Variants in EYA4 observed in about 807,000 individuals in gnomAD.
The protein encoded by EYA4 is EYA transcriptional coactivator and phosphatase 4, also known as protein phosphatase EYA4.
Under a neutral mutation model 87.9 loss-of-function variants are expected in EYA4, and 31 were observed. The observed-to-expected ratio is 0.35, with a 90% CI of 0.27 to 0.48. The LOEUF (loss-of-function observed/expected upper bound fraction) is 0.48, where lower values mean the gene tolerates loss of function less well. EYA4 is among the 20% of genes least tolerant of loss of function. EYA4 has a pLI of 0.99. For missense variants in EYA4, 678 were observed against 761.4 expected (o/e 0.89, Z 1.29); for synonymous variants, 263 against 270.6 (o/e 0.97, Z 0.28).
chr6:133,262,905 C>T (rs907981776), intron 1 of EYA4, among the ~76,000 whole-genome samples: 2 of 152,172 alleles, frequency 1.3e-5, no homozygotes, highest in Admixed American at 6.5e-5. Context: ...TTCTTGGACA[C>T]CTCAGCTGTT....
chr6:133,283,980 C>T (rs1777832748), intron 2 of EYA4, among the ~76,000 whole-genome samples: 3 of 152,092 alleles, frequency 2.0e-5, no homozygotes. Flanking sequence ...AAGATAATGG[C>T]CTTCAGTTCC....
intron 2 of EYA4, among the ~76,000 whole-genome samples, chr6:133,307,042 A>G (rs959262839): frequency 1.3e-5 from 2 of 152,236 alleles, no homozygotes; most frequent in Admixed American, 6.6e-5. Context: ...GTCATGTACT[A>G]TATAAACCCA....
rs560310584 is a variant in EYA4 at position 133,355,885 on chromosome 6, G to A, written c.34-26507G>A. 2.7e-4 allele frequency among the ~76,000 whole-genome samples: 41 copies of A among 152,154 alleles called. No individual in the cohort carries two copies. In the South Asian group the frequency reaches 5.6e-3, roughly 21 times the overall value. On this transcript the variant is annotated intron_variant, in intron 2 of 19. Transcript: ENST00000355286. The stretch of plus-strand genomic sequence containing the variant: ...ATTGTTGTAGTCATCTCAGGCTGCC[G>A]TTACAAAATACCATAGACTGGGTAG...
At chr6:133,379,164 T>A (rs926594516) in intron 2 of EYA4, among the ~76,000 whole-genome samples, 2 of 152,134 alleles carry the variant, frequency 1.3e-5, no homozygotes, top group East Asian at 3.9e-4. Flanking sequence ...CCCAGTTACG[T>A]GGAAGGCTGA....
intron 3 of EYA4, among the ~76,000 whole-genome samples, chr6:133,394,292 T>TTTTG (rs1787588782): frequency 3.6e-5 from 1 of 28,058 alleles, no homozygotes; most frequent in Admixed American, 3.8e-4. Context: ...GTGTTTTTTT[T>TTTTG]TTTTTTTTTT....
intron 2 of EYA4, among the ~76,000 whole-genome samples, chr6:133,349,998 CTT>C (rs1221178522): frequency 1.3e-5 from 2 of 152,064 alleles, no homozygotes; most frequent in Non-Finnish European, 2.9e-5. Flanking sequence ...TGTAAAATAA[CTT>C]GAGTAGAAAA....
At position 133,462,700 on chromosome 6, in the gene EYA4, C is replaced by A. The variant is rs755795461; in HGVS notation, c.660C>A (p.Leu220=). 2.9e-5 allele frequency: 46 copies of A among 1,613,762 alleles called. No individual in the cohort carries two copies. Among genetic ancestry groups the A allele is most frequent in the Non-Finnish European group, 3.6e-5 (43 of 1,179,896 alleles). The change falls in exon 9 of 20, where the codon CTC becomes CTA. Residue 220 remains leucine (L), a synonymous_variant. Transcript: ENST00000355286. ...QTQSPLQSGC[L]SYSPGFSTPQ... ...AGTCCCCATTACAGAGTGGCTGCCTCAGTTACAGCCCAGGGTTCTCTACCC... is the reference window on the plus strand; with the variant it reads ...AGTCCCCATTACAGAGTGGCTGCCTAAGTTACAGCCCAGGGTTCTCTACCC...
At chr6:133,340,225 G>A (rs896384846) in intron 2 of EYA4, among the ~76,000 whole-genome samples, 3 of 152,170 alleles carry the variant, frequency 2.0e-5, no homozygotes, top group African/African-American at 7.2e-5. Flanking sequence ...TAGAGGGACT[G>A]TAGGTATAGA....
intron 5 of EYA4, chr6:133,453,749 C>G (rs898685970): frequency 2.6e-5 from 4 of 152,062 alleles, no homozygotes; most frequent in Admixed American, 2.6e-4. Flanking sequence ...ACATGTACCA[C>G]TTCCCCTCAA....
intron 1 of EYA4, chr6:133,248,484 C>T (rs1054548947): frequency 3.9e-5 from 6 of 152,084 alleles, no homozygotes; most frequent in Non-Finnish European, 7.4e-5. Flanking sequence ...CTGCATATAC[C>T]CAACGGAGTG....
At chr6:133,301,590 T>C (rs1364583184) in intron 2 of EYA4, among the ~76,000 whole-genome samples, 1 of 152,254 alleles carries the variant, frequency 6.6e-6, no homozygotes, top group African/African-American at 2.4e-5. Flanking sequence ...ATGTGTTACT[T>C]AATTTAATAT....
intron 2 of EYA4, among the ~76,000 whole-genome samples, chr6:133,376,935 A>C (rs1055808396): frequency 6.6e-6 from 1 of 152,030 alleles, no homozygotes; most frequent in African/African-American, 2.4e-5. Flanking sequence ...TAATAAGAGA[A>C]ATGACATTTA....
intron 2 of EYA4, among the ~76,000 whole-genome samples, chr6:133,278,822 T>C (rs1777395134): frequency 6.6e-6 from 1 of 152,218 alleles, no homozygotes; most frequent in African/African-American, 2.4e-5. Flanking sequence ...TCTGCAGTTC[T>C]ATTTTAGAGC....
At chr6:133,407,668 G>A (rs969874907) in intron 3 of EYA4, among the ~76,000 whole-genome samples, 11 of 151,874 alleles carry the variant, frequency 7.2e-5, no homozygotes, top group Non-Finnish European at 1.3e-4. Context: ...AGAATTTGTG[G>A]ATCAAACAGT....
At chr6:133,501,666 T>TC (rs1358028064) in intron 13 of EYA4, among the ~76,000 whole-genome samples, 1 of 152,186 alleles carries the variant, frequency 6.6e-6, no homozygotes, top group Non-Finnish European at 1.5e-5. Context: ...TTGCATATCT[T>TC]CTATCTTTGT....
chr6:133,454,080 C>T (rs1487457421), intron 5 of EYA4, among the ~76,000 whole-genome samples: 1 of 152,146 alleles, frequency 6.6e-6, no homozygotes, highest in Non-Finnish European at 1.5e-5. Context: ...AGTAACAAAA[C>T]TAATCTTCAT....
intron 6 of EYA4, among the ~76,000 whole-genome samples, chr6:133,460,061 A>T (rs912696121): frequency 6.6e-6 from 1 of 152,152 alleles, no homozygotes; most frequent in Non-Finnish European, 1.5e-5. Context: ...TAAAATAGTT[A>T]GCAACCTAAA....
intron 2 of EYA4, among the ~76,000 whole-genome samples, chr6:133,374,829 T>C (rs534000010): frequency 2.4e-4 from 36 of 152,138 alleles, no homozygotes; most frequent in African/African-American, 7.0e-4. Context: ...AGCTGCAAGA[T>C]CTTTGTTTCT....
intron 2 of EYA4, among the ~76,000 whole-genome samples, chr6:133,332,579 G>A (rs1344693602): frequency 2.0e-5 from 3 of 152,012 alleles, no homozygotes; most frequent in Non-Finnish European, 2.9e-5. Flanking sequence ...TCTGTCGCCA[G>A]TGTTGCCAGG....
Sources: allele counts gnomAD v4.1 joint callset (sites outside exome capture counted in the v4.1 genomes callset), GRCh38; gene constraint gnomAD v4.1.1; transcripts MANE v1.5; gene names NCBI Gene and HGNC (gene_info 2026-07-23, HGNC 2026-07-21).